Variants in SMARCC1 observed in about 807,000 individuals in gnomAD.
SMARCC1 encodes the protein SWI/SNF related BAF chromatin remodeling complex subunit C1, also known as SWI/SNF complex subunit SMARCC1.
In SMARCC1, 43 loss-of-function variants were observed where a neutral mutation model predicts 147.4. That is an observed-to-expected ratio of 0.29 (90% confidence interval 0.23 to 0.38). SMARCC1 has a LOEUF of 0.38. Ranked by LOEUF, SMARCC1 falls within the 10% of genes least tolerant of loss-of-function variation. The pLI, the probability that SMARCC1 is intolerant of heterozygous loss-of-function variation, is 1.00. For missense variants in SMARCC1, 1,119 were observed against 1,381.1 expected, an observed-to-expected ratio of 0.81 and a Z score of 3.01; for synonymous variants, 495 against 484.4, an observed-to-expected ratio of 1.02 and a Z score of -0.29.
At chr3:47,759,914 G>A (rs1160028860) in intron 2 of SMARCC1, among the ~76,000 whole-genome samples, 3 of 151,962 alleles carry the variant, frequency 2.0e-5, no homozygotes, top group Non-Finnish European at 4.4e-5. Context: ...TCCAGCCTGG[G>A]CAACAAAAGC....
chr3:47,757,553 G>C (rs1016998577), intron 2 of SMARCC1, among the ~76,000 whole-genome samples: 1 of 152,056 alleles, frequency 6.6e-6, no homozygotes, highest in Non-Finnish European at 1.5e-5. Flanking sequence ...AAGGCAGGTG[G>C]ATCATGAGGT....
At chr3:47,719,202 C>A (rs1481200116) in intron 7 of SMARCC1, among the ~76,000 whole-genome samples, 1 of 152,102 alleles carries the variant, frequency 6.6e-6, no homozygotes, top group Non-Finnish European at 1.5e-5. Context: ...GTGTGAGCCA[C>A]CACGCCCGGC....
intron 3 of SMARCC1, among the ~76,000 whole-genome samples, chr3:47,741,526 A>G (rs1057409181): frequency 6.6e-6 from 1 of 151,020 alleles, no homozygotes; most frequent in African/African-American, 2.4e-5. Flanking sequence ...ATTTTCTTCT[A>G]CCTCTACCAT....
intron 24 of SMARCC1, among the ~76,000 whole-genome samples, chr3:47,624,736 T>C (rs992461629): frequency 1.3e-5 from 2 of 152,194 alleles, no homozygotes; most frequent in East Asian, 1.9e-4. Flanking sequence ...TCTGAGTTTA[T>C]AGGGCAAGCG....
At chr3:47,657,774 C>G (rs1196693591) in intron 21 of SMARCC1, among the ~76,000 whole-genome samples, 1 of 151,816 alleles carries the variant, frequency 6.6e-6, no homozygotes, top group Non-Finnish European at 1.5e-5. Flanking sequence ...GATCACACCA[C>G]TGCACTTCAG....
At chr3:47,600,399 G>A (rs2032364131) in intron 26 of SMARCC1, among the ~76,000 whole-genome samples, 1 of 152,182 alleles carries the variant, frequency 6.6e-6, no homozygotes, top group Non-Finnish European at 1.5e-5. Context: ...CAGGAAAGGA[G>A]GTAAGAATAA....
At chr3:47,774,733 A>T (rs1446413974) in intron 1 of SMARCC1, among the ~76,000 whole-genome samples, 1 of 152,028 alleles carries the variant, frequency 6.6e-6, no homozygotes, top group Non-Finnish European at 1.5e-5. Flanking sequence ...TAAAAACTAC[A>T]TACTACTTTC....
rs189249356 is a variant in SMARCC1 at position 47,733,493 on chromosome 3, T to C, written c.576+2541A>G. ...CAAGAAGGCCGGGCAAGGTGGCTCA[T>C]GACTGTAATCTCAGCACTTTGGGCA... On this transcript the variant is annotated intron_variant, in intron 5 of 27. Transcript: ENST00000254480. Among the ~76,000 whole-genome samples the C allele has an allele frequency of 2.5e-3, 381 of 152,212 alleles. 1 individual carries two copies. Among genetic ancestry groups the C allele is most frequent in the African/African-American group, 8.7e-3 (361 of 41,552 alleles).
Position 47,587,930 on chromosome 3 carries a change from C to T in SMARCC1, c.*279G>A, listed in dbSNP as rs548929477. On this transcript the variant is annotated 3_prime_UTR_variant, in exon 28 of 28. Transcript: ENST00000254480. The stretch of plus-strand genomic sequence containing the variant: ...TTGACAGGACCTGCAGAGAAACTGT[C>T]AGCTTACTCCCACACCAGGACAGGG... 2 of 421,210 alleles carry T rather than the reference C, an allele frequency of 4.7e-6. No homozygotes were observed. Among genetic ancestry groups the T allele is most frequent in the East Asian group, 9.5e-5 (2 of 21,108 alleles). The allele number at this position is 421,210 out of a possible 1,614,324, so 26.1% of individuals were successfully genotyped here. A position where few individuals can be genotyped will look rare whatever the true frequency, so the allele number is the denominator to read the frequency against.
At chr3:47,705,567 G>A (rs997075281) in intron 10 of SMARCC1, among the ~76,000 whole-genome samples, 1 of 152,064 alleles carries the variant, frequency 6.6e-6, no homozygotes, top group Admixed American at 6.6e-5. Flanking sequence ...GAAATAATAC[G>A]ATTCAAGGCA....
intron 19 of SMARCC1, among the ~76,000 whole-genome samples, chr3:47,664,659 T>C (rs2033399653): frequency 1.3e-5 from 2 of 152,194 alleles, no homozygotes; most frequent in South Asian, 4.1e-4. Context: ...CTGAAGTTGC[T>C]ACTCTCACAC....
At chr3:47,588,397 C>T in intron 27 of SMARCC1, 91 bp from the exon 28 acceptor site, 1 of 1,248,964 alleles carries the variant, frequency 8.0e-7, no homozygotes. Flanking sequence ...CACAGAAGTC[C>T]TTTCCTTAGT....
chr3:47,643,262 G>C (rs560917172), intron 21 of SMARCC1, among the ~76,000 whole-genome samples: 1 of 152,138 alleles, frequency 6.6e-6, no homozygotes, highest in African/African-American at 2.4e-5. Flanking sequence ...TTGGCGTGTC[G>C]GCTGGTCGAC....
chr3:47,690,226 G>A (rs1299179342), intron 12 of SMARCC1, among the ~76,000 whole-genome samples: 3 of 152,090 alleles, frequency 2.0e-5, no homozygotes, highest in Admixed American at 1.3e-4. Context: ...AAAGGGTTGG[G>A]TGCAGTCGCT....
intron 25 of SMARCC1, among the ~76,000 whole-genome samples, chr3:47,613,385 C>CTT (rs200905934): frequency 1.1e-4 from 15 of 141,138 alleles, no homozygotes; most frequent in Non-Finnish European, 1.6e-4. Flanking sequence ...GAACTTTTCT[C>CTT]TTTTTTTTTT....
chr3:47,726,169 G>C (rs1216798964), intron 6 of SMARCC1, among the ~76,000 whole-genome samples: 1 of 151,484 alleles, frequency 6.6e-6, no homozygotes, highest in African/African-American at 2.4e-5. Flanking sequence ...TGAGGTGGGA[G>C]GACTGCTTGA....
intron 2 of SMARCC1, among the ~76,000 whole-genome samples, chr3:47,751,962 T>C (rs993953289): frequency 6.6e-6 from 1 of 152,090 alleles, no homozygotes; most frequent in African/African-American, 2.4e-5. Flanking sequence ...CACACATCTG[T>C]GATCCCAGCT....
intron 11 of SMARCC1, among the ~76,000 whole-genome samples, chr3:47,698,473 C>T (rs1442263526): frequency 6.6e-6 from 1 of 151,746 alleles, no homozygotes; most frequent in Non-Finnish European, 1.5e-5. Context: ...ATAGAAAATC[C>T]TAAGAAATCT....
chr3:47,663,178 G>A (rs2033372061), intron 19 of SMARCC1, among the ~76,000 whole-genome samples: 1 of 93,556 alleles, frequency 1.1e-5, no homozygotes, highest in Admixed American at 1.0e-4. Flanking sequence ...GGGAGAGGAG[G>A]GGAGAGGGGA....
Sources: gnomAD v4.1 joint callset for allele counts (sites outside exome capture counted in the v4.1 genomes callset) on GRCh38, gnomAD v4.1.1 for gene constraint, MANE v1.5 for transcripts, NCBI Gene and HGNC (gene_info 2026-07-23, HGNC 2026-07-21) for gene names.